The following TRAPPC12 variants were observed in gnomAD, a reference collection of about 807,000 sequenced individuals.
TRAPPC12 encodes the protein TPR repeat protein 15.
TRAPPC12 carries 61 observed loss-of-function variants against 69.2 expected under a neutral mutation model. The ratio of observed to expected loss-of-function variants is 0.88; its 90% CI spans 0.72 to 1.09. TRAPPC12 has a LOEUF of 1.09. TRAPPC12 is among the 50% of genes least tolerant of loss of function. The pLI is 0.00. For synonymous variants in TRAPPC12, 469 were observed against 438.9 expected, an observed-to-expected ratio of 1.07 and a Z score of -0.86; for missense variants, 1,101 against 1,016.4, an observed-to-expected ratio of 1.08 and a Z score of -1.13.
rs1665777449 is a variant in TRAPPC12, at chr2:3,465,695, G to A, written c.1776G>A (p.Gln592=). The change falls in exon 9 of 12, where the codon CAG becomes CAA. Residue 592 remains glutamine (Q), a splice_region_variant and synonymous_variant. Transcript: ENST00000324266. ...GCGGCATCGGCCGGATTTCCCTGCA[G>A]GTACCTGTGCACGGTCAGACATGAG... is the stretch of plus-strand genomic sequence containing the variant. The part of the protein sequence containing the change: ...LLSGIGRISL[Q]IGDIKTAEKY... 6.2e-7 allele frequency: 1 copy of A among 1,611,504 alleles called. No individual in the cohort carries two copies.
chr2:3,457,739 T>C, intron 7 of TRAPPC12, 46 bp downstream of exon 7: 1 of 1,602,472 alleles, frequency 6.2e-7, no homozygotes, highest in Non-Finnish European at 8.5e-7. Flanking sequence ...CGGACATCAC[T>C]GACAGACTGA....
chr2:3,389,082 G>C (rs185243914), intron 2 of TRAPPC12: 3 of 164,072 alleles, frequency 1.8e-5, no homozygotes, highest in Non-Finnish European at 3.9e-5. Context: ...AAAAATACGC[G>C]TGACCCAAAA....
In TRAPPC12 at chr2:3,383,789, A is replaced by G. The variant is rs190146139; in HGVS notation, c.-4-3831A>G. ...TCCAAGTTTATTTTTTCCCAGCTGCATGATTTGTCTACACATCACTCAAGG... is the reference window on the plus strand; with the variant it reads ...TCCAAGTTTATTTTTTCCCAGCTGCGTGATTTGTCTACACATCACTCAAGG... On this transcript the variant is annotated intron_variant, in intron 1 of 11. Coordinates refer to ENST00000324266, the MANE Select transcript of TRAPPC12 (RefSeq NM_016030.6). Among the ~76,000 whole-genome samples, 36 of 148,186 alleles carry G rather than the reference A, an allele frequency of 2.4e-4. 1 individual carries two copies. The highest frequency in any genetic ancestry group is 2.4e-3 in the Admixed American group (35 of 14,482).
chr2:3,410,075 G>T (rs1661974582), intron 3 of TRAPPC12, among the ~76,000 whole-genome samples: 1 of 152,204 alleles, frequency 6.6e-6, no homozygotes, highest in African/African-American at 2.4e-5. Context: ...ATCGTCTCAG[G>T]GAATTGGGTT....
At chr2:3,422,937 A>G (rs1662894073) in intron 4 of TRAPPC12, among the ~76,000 whole-genome samples, 1 of 152,236 alleles carries the variant, frequency 6.6e-6, no homozygotes. Flanking sequence ...TGATCATCTC[A>G]CTTTCCTGCT....
At chr2:3,413,532 T>G (rs1220926471) in intron 3 of TRAPPC12, among the ~76,000 whole-genome samples, 1 of 152,198 alleles carries the variant, frequency 6.6e-6, no homozygotes, top group Non-Finnish European at 1.5e-5. Context: ...AATGTGTACG[T>G]GAGTGTGATT....
chr2:3,434,136 A>G (rs971133969), intron 5 of TRAPPC12, among the ~76,000 whole-genome samples: 3 of 152,240 alleles, frequency 2.0e-5, no homozygotes, highest in African/African-American at 7.2e-5. Flanking sequence ...TTCTGTATGC[A>G]TCTTGTTGAA....
chr2:3,477,763 A>G lies in TRAPPC12; in HGVS notation c.1845A>G (p.Gly615=), dbSNP rs1308496376. Residue 615 remains glycine, a synonymous_variant, in exon 10 of 12, where the codon GGA becomes GGG. Coordinates refer to ENST00000324266, the MANE Select transcript of TRAPPC12 (RefSeq NM_016030.6). ...DVEKVTQKLD[G]LQGKIMVLMN... The stretch of plus-strand genomic sequence containing the variant: ...AGAAAGTAACACAGAAATTAGATGG[A>G]CTACAGGGTAAAATCATGGTTTTGA... 1.2e-6 allele frequency: 2 copies of G among 1,604,616 alleles called. No homozygotes were observed. The highest frequency in any genetic ancestry group is 3.5e-5 in the Admixed American group (2 of 57,410).
At position 3,388,184 on chromosome 2, in the gene TRAPPC12, C is replaced by T; in HGVS notation, c.561C>T (p.Gly187=). The T allele has an allele frequency of 1.2e-6, 2 of 1,608,820 alleles. No homozygotes were observed. Among genetic ancestry groups the T allele is most frequent in the Non-Finnish European group, 1.7e-6 (2 of 1,177,712 alleles). Residue 187 remains glycine, a synonymous_variant, in exon 2 of 12, where the codon GGC becomes GGT. Coordinates refer to ENST00000324266, the MANE Select transcript of TRAPPC12 (RefSeq NM_016030.6). ...TGGTGAAGTCGCCCAGCTTCGGTGG[C>T]GCCAGCGAGGCCTCGGCCAGGACAC... ...PQMVKSPSFG[G]ASEASARTPP... is the part of the protein sequence containing the mutation.
intron 2 of TRAPPC12, among the ~76,000 whole-genome samples, chr2:3,401,435 C>T (rs1275884641): frequency 1.3e-5 from 2 of 152,206 alleles, no homozygotes; most frequent in African/African-American, 4.8e-5. Context: ...CACCTGAGGC[C>T]TCTCTGCTGG....
At chr2:3,462,260 T>C (rs1665546603) in intron 8 of TRAPPC12, among the ~76,000 whole-genome samples, 2 of 152,258 alleles carry the variant, frequency 1.3e-5, no homozygotes, top group Admixed American at 1.3e-4. Context: ...GTCTTCTTCC[T>C]GTATTGCTGG....
At chr2:3,411,016 G>A (rs554365090) in intron 3 of TRAPPC12, among the ~76,000 whole-genome samples, 15 of 152,244 alleles carry the variant, frequency 9.9e-5, no homozygotes, top group African/African-American at 3.4e-4. Context: ...GCCACAGAGC[G>A]AGACTCCATC....
chr2:3,454,668 C>G (rs1665039770), intron 6 of TRAPPC12: 2 of 152,408 alleles, frequency 1.3e-5, no homozygotes, highest in African/African-American at 4.8e-5. Flanking sequence ...GTGGGAAACT[C>G]TGTTTCCTTT....
At chr2:3,380,809 G>A (rs556061151) in intron 1 of TRAPPC12, among the ~76,000 whole-genome samples, 2 of 152,352 alleles carry the variant, frequency 1.3e-5, no homozygotes, top group Non-Finnish European at 2.9e-5. Context: ...CTATGCTTGT[G>A]TCTGTGCAGC....
At chr2:3,471,656 A>G (rs1338662680) in intron 9 of TRAPPC12, among the ~76,000 whole-genome samples, 1 of 152,240 alleles carries the variant, frequency 6.6e-6, no homozygotes, top group African/African-American at 2.4e-5. Context: ...AGTTTCTCAC[A>G]TAATCTAAAT....
intron 2 of TRAPPC12, among the ~76,000 whole-genome samples, chr2:3,396,857 A>G (rs1158080972): frequency 1.3e-5 from 2 of 152,138 alleles, no homozygotes; most frequent in Non-Finnish European, 2.9e-5. Flanking sequence ...GAGGCACCTT[A>G]AAGTTGTCTT....
rs776372550 is a variant in TRAPPC12 at position 3,388,639 on chromosome 2, C to T, written c.1016C>T (p.Thr339Ile). The change falls in exon 2 of 12, where the codon ACC becomes ATC. Residue 339 changes from threonine to isoleucine, a missense_variant. Transcript: ENST00000324266. ...GTGTTCGTGGACAAGGAGAACCTCA[C>T]CATGCCGGGCCTCAGGTTCGACAAC... ...GAVFVDKENL[T>I]MPGLRFDNIQ... 7.6e-6 allele frequency: 12 copies of T among 1,578,914 alleles called. No homozygotes were observed. Among genetic ancestry groups the T allele is most frequent in the Non-Finnish European group, 1.0e-5 (12 of 1,160,438 alleles).
chr2:3,444,993 A>G (rs1664433775), intron 6 of TRAPPC12, among the ~76,000 whole-genome samples: 2 of 152,230 alleles, frequency 1.3e-5, no homozygotes, highest in South Asian at 4.1e-4. Flanking sequence ...TTATTTACAG[A>G]AATCGGAAGC....
chr2:3,455,061 G>A (rs1360365703), intron 6 of TRAPPC12: 3 of 152,266 alleles, frequency 2.0e-5, no homozygotes, highest in Admixed American at 1.3e-4. Context: ...CTGACCTGGT[G>A]CGCCACACCC....
Sources: gnomAD v4.1 joint callset for allele counts (sites outside exome capture counted in the v4.1 genomes callset) on GRCh38, gnomAD v4.1.1 for gene constraint, MANE v1.5 for transcripts, NCBI Gene and HGNC (gene_info 2026-07-23, HGNC 2026-07-21) for gene names.